Variants in BLZF1 observed in about 807,000 individuals in gnomAD.
BLZF1 encodes basic leucine zipper nuclear factor 1, also known as golgin-45.
A neutral mutation model predicts 43.8 loss-of-function variants in BLZF1; 39 were observed. The observed-to-expected ratio is 0.89, with a 90% confidence interval of 0.69 to 1.16. BLZF1 has a LOEUF of 1.16. Among genes scored for constraint, BLZF1 ranks in the 50% most tolerant of loss-of-function variants. BLZF1 has a pLI of 0.00. For synonymous variants in BLZF1, 136 were observed against 159.4 expected, an observed-to-expected ratio of 0.85 and a Z score of 1.11; for missense variants, 449 against 469.8, an observed-to-expected ratio of 0.96 and a Z score of 0.41.
chr1:169,390,962 T>A (rs1654800668), downstream of BLZF1, among the ~76,000 whole-genome samples: 1 of 152,226 alleles, frequency 6.6e-6, no homozygotes, highest in African/African-American at 2.4e-5. Flanking sequence ...ACTTAACCAT[T>A]GAGCTCCTAA....
intron 6 of BLZF1, among the ~76,000 whole-genome samples, chr1:169,386,305 A>G (rs1316912535): frequency 6.6e-6 from 1 of 152,210 alleles, no homozygotes; most frequent in African/African-American, 2.4e-5. Context: ...CCATAGAAGA[A>G]TAAAAACAAA....
chr1:169,370,112 C>T (rs977024727), intron 2 of BLZF1, among the ~76,000 whole-genome samples: 2 of 152,214 alleles, frequency 1.3e-5, no homozygotes, highest in Non-Finnish European at 2.9e-5. Flanking sequence ...GTCTTGTAGA[C>T]GTACCACCCT....
chr1:169,374,365 T>C (rs1654227587), intron 2 of BLZF1, among the ~76,000 whole-genome samples: 1 of 152,102 alleles, frequency 6.6e-6, no homozygotes, highest in African/African-American at 2.4e-5. Flanking sequence ...GAAGTTCTCC[T>C]TGTCAGTGCT....
Position 169,387,181 on chromosome 1 carries a change from A to C in BLZF1, c.1202A>C (p.Ter401SerextTer29). 6.2e-7 allele frequency: 1 copy of C among 1,611,914 alleles called. No individual in the cohort carries two copies. Among genetic ancestry groups the C allele is most frequent in the Non-Finnish European group, 8.5e-7 (1 of 1,179,342 alleles). Residue 401 changes from the stop codon to serine, a stop_lost, in exon 7 of 7, where the codon TAA becomes TCA. Coordinates refer to ENST00000367808, the MANE Select transcript of BLZF1 (RefSeq NM_001320973.2). The part of the protein sequence containing the change: ...NHCRGELIAL[*>S] The stretch of plus-strand genomic sequence containing the variant: ...TGCCGGGGAGAACTGATTGCCCTTT[A>C]ACAGTCAATATGTTGGAGGCATGCT...
At chr1:169,372,236 C>T (rs959536083) in intron 2 of BLZF1, among the ~76,000 whole-genome samples, 2 of 152,018 alleles carry the variant, frequency 1.3e-5, no homozygotes, top group African/African-American at 2.4e-5. Flanking sequence ...TTAAAATTAC[C>T]ACATGACAAT....
intron 2 of BLZF1, among the ~76,000 whole-genome samples, chr1:169,372,608 A>G (rs1170629977): frequency 6.6e-6 from 1 of 152,098 alleles, no homozygotes; most frequent in East Asian, 1.9e-4. Flanking sequence ...GCACCAAGGG[A>G]TGGGAGGAGG....
intron 7 of BLZF1, among the ~76,000 whole-genome samples, chr1:169,394,563 A>T (rs1654909980): frequency 6.6e-6 from 1 of 152,034 alleles, no homozygotes; most frequent in South Asian, 2.1e-4. Flanking sequence ...TATAGGGTGT[A>T]TTTTTTAAGG....
chr1:169,373,201 A>G (rs1423292488), intron 2 of BLZF1, among the ~76,000 whole-genome samples: 5 of 152,168 alleles, frequency 3.3e-5, no homozygotes, highest in Non-Finnish European at 7.3e-5. Flanking sequence ...CTGGTAGGCA[A>G]TACGAATGAG....
At position 169,382,289 on chromosome 1, in the gene BLZF1, A is replaced by T; in HGVS notation, c.1017+8A>T. 1.9e-6 allele frequency: 3 copies of T among 1,610,094 alleles called. No homozygotes were observed. The highest frequency in any genetic ancestry group is 2.5e-6 in the Non-Finnish European group (3 of 1,177,320). ...GAGAAAATGGCTGAAACGGTAAAAT[A>T]TTTTCTTTTGTGATCTATGGAACTT... On this transcript the variant is annotated splice_region_variant and intron_variant, in intron 6 of 6. Transcript: ENST00000367808.
rs1231864558 is a variant in BLZF1, at chr1:169,386,128, T to G, written c.1018-869T>G. On this transcript the variant is annotated intron_variant, in intron 6 of 6. Transcript: ENST00000367808. Reference sequence around the variant, plus strand: ...TTGGGTCTCAGTAAAGGAGACAGATTAGGAAAAATCAGAGCAGAAGAAGAA... The same window carrying G: ...TTGGGTCTCAGTAAAGGAGACAGATGAGGAAAAATCAGAGCAGAAGAAGAA... 2.0e-5 allele frequency among the ~76,000 whole-genome samples: 3 copies of G among 152,000 alleles called. No homozygotes were observed. In the East Asian group the frequency reaches 5.8e-4, roughly 29 times the overall value.
intron 2 of BLZF1, among the ~76,000 whole-genome samples, chr1:169,375,870 T>G (rs1654324984): frequency 6.6e-6 from 1 of 151,826 alleles, no homozygotes; most frequent in Non-Finnish European, 1.5e-5. Context: ...CAAAATAAAT[T>G]GAAAGCCACT....
intron 6 of BLZF1, among the ~76,000 whole-genome samples, chr1:169,384,047 AAAAATAT>A (rs1156973482): frequency 2.0e-5 from 3 of 152,114 alleles, no homozygotes; most frequent in Non-Finnish European, 4.4e-5. Context: ...ACAGATGGCT[AAAAATAT>A]AATCTCTTTT....
chr1:169,368,969 G>C (rs1470600770), intron 1 of BLZF1, among the ~76,000 whole-genome samples: 3 of 151,932 alleles, frequency 2.0e-5, no homozygotes, highest in African/African-American at 4.8e-5. Flanking sequence ...TACTTTTGGA[G>C]CTACACTATT....
At chr1:169,394,486 C>A (rs1306903842) in intron 7 of BLZF1, among the ~76,000 whole-genome samples, 3 of 152,086 alleles carry the variant, frequency 2.0e-5, no homozygotes, top group African/African-American at 4.8e-5. Flanking sequence ...TCCCTCACCC[C>A]CAGGAGTCCC....
intron 6 of BLZF1, among the ~76,000 whole-genome samples, chr1:169,385,318 T>C (rs1055693059): frequency 2.0e-5 from 3 of 152,196 alleles, no homozygotes; most frequent in African/African-American, 7.2e-5. Flanking sequence ...GGTGCCATCA[T>C]TTCTTAGCTA....
chr1:169,378,323 C>G lies in BLZF1; in HGVS notation c.469-7C>G. On this transcript the variant is annotated splice_region_variant and splice_polypyrimidine_tract_variant and intron_variant, in intron 3 of 6. Transcript: ENST00000367808. ...GAGCTTGTTGTATTGATTACGTTCT[C>G]TTCTAGGTAAATCGTGAGTTAAAAA... The G allele has an allele frequency of 6.2e-7, 1 of 1,611,474 alleles. No homozygotes were observed. Among genetic ancestry groups the G allele is most frequent in the Non-Finnish European group, 8.5e-7 (1 of 1,178,052 alleles).
intron 1 of BLZF1, among the ~76,000 whole-genome samples, chr1:169,368,962 T>C (rs1654004895): frequency 6.6e-6 from 1 of 152,220 alleles, no homozygotes; most frequent in African/African-American, 2.4e-5. Flanking sequence ...CTCTTTTTAC[T>C]TTTGGAGCTA....
At chr1:169,383,082 G>A (rs1015429868) in intron 6 of BLZF1, among the ~76,000 whole-genome samples, 4 of 151,892 alleles carry the variant, frequency 2.6e-5, no homozygotes, top group African/African-American at 7.3e-5. Context: ...CTTCCTCTCC[G>A]AGTATGCTGC....
At chr1:169,390,566 T>C (rs1054945275), downstream of BLZF1, among the ~76,000 whole-genome samples, 12 of 152,140 alleles carry the variant, frequency 7.9e-5, no homozygotes, top group Admixed American at 3.9e-4. Context: ...GACAAATTCC[T>C]AGAAAGACAT....
Sources: gnomAD v4.1 joint callset for allele counts (sites outside exome capture counted in the v4.1 genomes callset) on GRCh38, gnomAD v4.1.1 for gene constraint, MANE v1.5 for transcripts, NCBI Gene and HGNC (gene_info 2026-07-23, HGNC 2026-07-21) for gene names.